ANKRD30A: variants seen among roughly 807,000 people sequenced by gnomAD.
ANKRD30A encodes the protein ankyrin repeat domain-containing protein 30A.
Under a neutral mutation model 166.3 loss-of-function variants are expected in ANKRD30A, and 170 were observed. The ratio of observed to expected loss-of-function variants is 1.02; its 90% CI spans 0.90 to 1.16. The LOEUF is 1.16. Ranked by LOEUF, ANKRD30A falls within the 50% of genes most tolerant of loss-of-function variation. ANKRD30A has a pLI of 0.00. For missense variants in ANKRD30A, 1,630 were observed against 1,518.0 expected, an observed-to-expected ratio of 1.07 and a Z score of -1.23; for synonymous variants, 564 against 508.9, an observed-to-expected ratio of 1.11 and a Z score of -1.46.
chr10:37,165,443 A>G (rs1265552481), intron 18 of ANKRD30A, among the ~76,000 whole-genome samples: 3 of 152,232 alleles, frequency 2.0e-5, no homozygotes, highest in African/African-American at 4.8e-5. Flanking sequence ...ACGTTTGTCT[A>G]AAAGCAAAAG....
chr10:37,257,967 G>C, the ANKRD30A span, among the ~76,000 whole-genome samples: 1 of 152,200 alleles, frequency 6.6e-6, no homozygotes, highest in Admixed American at 6.5e-5. Flanking sequence ...GCTTGTCAGG[G>C]GTTGGAGGGG....
intron 19 of ANKRD30A, among the ~76,000 whole-genome samples, chr10:37,167,190 G>A (rs1347094671): frequency 4.6e-5 from 7 of 150,968 alleles, no homozygotes; most frequent in African/African-American, 1.2e-4. Context: ...GAATGTTAGA[G>A]TGTGGGTGCT....
chr10:37,234,835 G>A (rs1843604320), downstream of ANKRD30A, among the ~76,000 whole-genome samples: 1 of 152,082 alleles, frequency 6.6e-6, no homozygotes, highest in Admixed American at 6.6e-5. Flanking sequence ...TCCTAAGACT[G>A]TAACTTTTTA....
At chr10:37,248,233 A>G in the ANKRD30A span, 2 of 619,146 alleles carry the variant, frequency 3.2e-6, no homozygotes, top group Non-Finnish European at 3.2e-6. Context: ...AAAGACTTCA[A>G]CACAAGGGTA....
chr10:37,224,806 T>C (rs1310220406), intron 34 of ANKRD30A, among the ~76,000 whole-genome samples: 1 of 151,552 alleles, frequency 6.6e-6, no homozygotes, highest in Non-Finnish European at 1.5e-5. Flanking sequence ...TCTTTTCATT[T>C]CTTTTCTTCT....
At chr10:37,133,004 A>G (rs1836469234) in intron 4 of ANKRD30A, among the ~76,000 whole-genome samples, 1 of 144,244 alleles carries the variant, frequency 6.9e-6, no homozygotes, top group Admixed American at 6.9e-5. Context: ...TGTCTCAAAG[A>G]AAAAAAAAAA....
chr10:37,128,746 C>T (rs1210791126), intron 1 of ANKRD30A, among the ~76,000 whole-genome samples: 4 of 151,902 alleles, frequency 2.6e-5, no homozygotes, highest in Non-Finnish European at 5.9e-5. Context: ...ACTTGCTCAG[C>T]CTGAGCAAAG....
At position 37,201,145 on chromosome 10, in the gene ANKRD30A, T is replaced by C. The variant is rs936975962; in HGVS notation, c.2779-90T>C. The C allele has an allele frequency of 5.4e-6, 6 of 1,117,210 alleles. No individual in the cohort carries two copies. The African/African-American group carries it at 1.0e-4, about 19-fold the overall frequency. 69.2% of individuals were successfully genotyped at this position (1,117,210 alleles called of 1,614,324 possible). ...AATTGCTTGCAAAATAGGACTTTTTTTTAAAAAAAGATTTTAATTAGGAAA... is the reference window on the plus strand; with the variant it reads ...AATTGCTTGCAAAATAGGACTTTTTCTTAAAAAAAGATTTTAATTAGGAAA... On this transcript the variant is annotated intron_variant, in intron 30 of 35. Transcript: ENST00000361713.
At chr10:37,194,623 G>C (rs1033954032) in intron 27 of ANKRD30A, among the ~76,000 whole-genome samples, 3 of 152,078 alleles carry the variant, frequency 2.0e-5, no homozygotes, top group African/African-American at 7.2e-5. Flanking sequence ...GGAATTACAG[G>C]CGTGAGGCAC....
At position 37,158,571 on chromosome 10, in the gene ANKRD30A, C is replaced by A; in HGVS notation, c.1885C>A (p.Gln629Lys). Reference sequence around the variant, plus strand: ...TAAAGCCTTAGAATTGAAGGACATGCAAACTTTCAAAGCAGGTAAATTTTG... The same window carrying A: ...TAAAGCCTTAGAATTGAAGGACATGAAAACTTTCAAAGCAGGTAAATTTTG... Reference protein sequence around the residue: ...PTKALELKDMQTFKAEPPGKP... With the variant: ...PTKALELKDMKTFKAEPPGKP... Residue 629 changes from glutamine to lysine, a missense_variant, in exon 15 of 36, where the codon CAA becomes AAA. Around this residue, in one of 4 missense-constraint regions of ANKRD30A, gnomAD observed 904 missense variants for 818.5 expected, o/e 1.10. Coordinates refer to ENST00000361713, the MANE Select transcript of ANKRD30A (RefSeq NM_052997.3). 6.2e-7 allele frequency: 1 copy of A among 1,613,046 alleles called. No individual in the cohort carries two copies. The highest frequency in any genetic ancestry group is 2.2e-5 in the East Asian group (1 of 44,792).
intron 26 of ANKRD30A, 28 bp downstream of exon 26, chr10:37,193,120 G>A (rs1412335606): frequency 6.2e-7 from 1 of 1,604,168 alleles, no homozygotes; most frequent in Non-Finnish European, 8.5e-7. Flanking sequence ...TTTATCTTGA[G>A]TATTAACTAC....
the ANKRD30A span, among the ~76,000 whole-genome samples, chr10:37,256,362 T>C: frequency 3.3e-5 from 5 of 152,186 alleles, no homozygotes; most frequent in African/African-American, 1.2e-4. Context: ...GCTCAAGCAG[T>C]CCTCCTGCCT....
intron 13 of ANKRD30A, 88 bp from the exon 14 acceptor site, chr10:37,158,304 A>T: frequency 6.7e-7 from 1 of 1,500,036 alleles, no homozygotes; most frequent in Non-Finnish European, 9.1e-7. Context: ...AAGCATGAGG[A>T]TTCATCTTCA....
rs1288205788 is a variant in ANKRD30A at position 37,162,474 on chromosome 10, A to G, written c.1901-175A>G. 3.3e-5 allele frequency among the ~76,000 whole-genome samples: 5 copies of G among 152,144 alleles called. No individual in the cohort carries two copies. The South Asian group carries it at 6.2e-4, about 19-fold the overall frequency. ...AGAAACCTGTATTTATATTTTCTTCAGTGTATTCTTGTCGTGTGTGTGTCC... is the reference window on the plus strand; with the variant it reads ...AGAAACCTGTATTTATATTTTCTTCGGTGTATTCTTGTCGTGTGTGTGTCC... On this transcript the variant is annotated intron_variant, in intron 15 of 35. Transcript: ENST00000361713.
chr10:37,210,983 T>C (rs1842277294), intron 31 of ANKRD30A, among the ~76,000 whole-genome samples: 2 of 152,164 alleles, frequency 1.3e-5, no homozygotes, highest in Non-Finnish European at 2.9e-5. Flanking sequence ...AAGTCCCATT[T>C]GTCAATTTTG....
At chr10:37,190,551 CAA>C (rs1205386210) in intron 25 of ANKRD30A, among the ~76,000 whole-genome samples, 1 of 151,708 alleles carries the variant, frequency 6.6e-6, no homozygotes, top group Non-Finnish European at 1.5e-5. Flanking sequence ...TGGGAAGAAT[CAA>C]GAGCAGAAGT....
chr10:37,172,384 G>T (rs1347804046), intron 21 of ANKRD30A, among the ~76,000 whole-genome samples: 4 of 122,380 alleles, frequency 3.3e-5, no homozygotes, highest in Non-Finnish European at 7.0e-5. Context: ...TTTATTTCTG[G>T]GTATGCTTTT....
At chr10:37,134,177 A>G (rs1299892857) in intron 5 of ANKRD30A, 124 bp downstream of exon 5, 5 of 1,139,396 alleles carry the variant, frequency 4.4e-6, no homozygotes, top group Non-Finnish European at 6.3e-6. Context: ...TAGAAGGAGT[A>G]TTGGGTCCAG....
In ANKRD30A at chr10:37,205,889, G is replaced by A. The variant is rs941676307; in HGVS notation, c.2869+4564G>A. Reference sequence around the variant, plus strand: ...TGGTGGTTCTTGGACTGTACACTGAGTAGCGAAGGTATAGAGTTTTCATTG... The same window carrying A: ...TGGTGGTTCTTGGACTGTACACTGAATAGCGAAGGTATAGAGTTTTCATTG... On this transcript the variant is annotated intron_variant, in intron 31 of 35. Transcript: ENST00000361713. 2.6e-5 allele frequency among the ~76,000 whole-genome samples: 4 copies of A among 152,302 alleles called. No homozygotes were observed. In the East Asian group the frequency reaches 7.7e-4, roughly 29 times the overall value.
Sources: allele counts gnomAD v4.1 joint callset (sites outside exome capture counted in the v4.1 genomes callset), GRCh38; gene constraint gnomAD v4.1.1; regional missense constraint gnomAD v4.1.1; transcripts MANE v1.5; gene names NCBI Gene and HGNC (gene_info 2026-07-23, HGNC 2026-07-21).